OTUD7B: variants seen among roughly 807,000 people sequenced by gnomAD.
OTUD7B encodes OTU deubiquitinase 7B.
In OTUD7B, 34 loss-of-function variants were observed where a neutral mutation model predicts 82.2. That is an observed-to-expected ratio of 0.41 (90% CI 0.31 to 0.55). The LOEUF (loss-of-function observed/expected upper bound fraction) is 0.55. OTUD7B is among the 20% of genes least tolerant of loss of function. The pLI, the probability that OTUD7B is intolerant of heterozygous loss-of-function variation, is 0.20. For missense variants in OTUD7B, 944 were observed against 1,062.1 expected (o/e 0.89, Z 1.55); for synonymous variants, 398 against 402.7 (o/e 0.99, Z 0.14).
chr1:149,993,348 A>T (rs1249975897), intron 1 of OTUD7B, among the ~76,000 whole-genome samples: 1 of 152,202 alleles, frequency 6.6e-6, no homozygotes, highest in Non-Finnish European at 1.5e-5. Flanking sequence ...AAGCATTCTT[A>T]ATGCCAGGCA....
At chr1:149,987,240 C>T (rs1651215195) in intron 1 of OTUD7B, among the ~76,000 whole-genome samples, 1 of 152,156 alleles carries the variant, frequency 6.6e-6, no homozygotes, top group African/African-American at 2.4e-5. Flanking sequence ...AGAGAACATA[C>T]GCTCACATAC....
At chr1:150,062,703 TC>T in the OTUD7B span, among the ~76,000 whole-genome samples, 1 of 90,186 alleles carries the variant, frequency 1.1e-5, no homozygotes, top group East Asian at 2.9e-4. Flanking sequence ...TTTTTCTTCT[TC>T]TTTCTTTTTT....
At chr1:149,999,240 C>A (rs1652116372) in intron 1 of OTUD7B, among the ~76,000 whole-genome samples, 1 of 152,136 alleles carries the variant, frequency 6.6e-6, no homozygotes, top group African/African-American at 2.4e-5. Context: ...AAAGAAGGAA[C>A]TTAAAGTTGT....
the OTUD7B span, chr1:150,053,882 G>A: frequency 2.6e-6 from 1 of 382,028 alleles, no homozygotes; most frequent in Non-Finnish European, 4.4e-6. Flanking sequence ...TGAACAAGTT[G>A]AGAAGCCAGA....
the OTUD7B span, among the ~76,000 whole-genome samples, chr1:150,039,587 A>G: frequency 3.9e-5 from 6 of 152,224 alleles, no homozygotes; most frequent in Non-Finnish European, 7.4e-5. Context: ...CGTGTTAGCC[A>G]GGATAGGCTC....
chr1:149,966,027 T>C, intron 4 of OTUD7B, 149 bp from the exon 5 acceptor site: 1 of 611,204 alleles, frequency 1.6e-6, no homozygotes, highest in Non-Finnish European at 3.0e-6. Context: ...CTTCCTCACT[T>C]ATATCTAGTC....
At chr1:150,020,463 G>A in the OTUD7B span, among the ~76,000 whole-genome samples, 10 of 152,104 alleles carry the variant, frequency 6.6e-5, no homozygotes, top group African/African-American at 2.4e-4. Flanking sequence ...CTTGAACTAG[G>A]GAGGTGGAGG....
In OTUD7B at chr1:149,989,365, C is replaced by T. The variant is rs372656243; in HGVS notation, c.-66-11789G>A. On this transcript the variant is annotated intron_variant, in intron 1 of 11. Transcript: ENST00000581312. ...GTGGGCACCTGTAATCCCAGCTACTCGGGAGGCTGAGGCAGGAGAATTGCT... is the reference window on the plus strand; with the variant it reads ...GTGGGCACCTGTAATCCCAGCTACTTGGGAGGCTGAGGCAGGAGAATTGCT... Among the ~76,000 whole-genome samples, 28 of 149,108 alleles carry T rather than the reference C, an allele frequency of 1.9e-4. No individual in the cohort carries two copies. The South Asian group carries it at 3.9e-3, about 21-fold the overall frequency.
At chr1:149,973,959 G>A (rs111992557) in intron 2 of OTUD7B, among the ~76,000 whole-genome samples, 319 of 150,020 alleles carry the variant, frequency 2.1e-3, no homozygotes, top group Middle Eastern at 0.021. Context: ...CTGGGTTCAA[G>A]CAATTCTCTG....
chr1:150,009,600 CCAGT>C (rs1289122661), intron 1 of OTUD7B, among the ~76,000 whole-genome samples: 2 of 152,174 alleles, frequency 1.3e-5, no homozygotes, highest in Non-Finnish European at 2.9e-5. Context: ...TAAAATTCCA[CCAGT>C]CAGTTTCTAA....
chr1:149,983,057 G>A (rs1477386361), intron 1 of OTUD7B, among the ~76,000 whole-genome samples: 2 of 151,856 alleles, frequency 1.3e-5, no homozygotes, highest in South Asian at 2.1e-4. Context: ...GGGTTTCACC[G>A]TGTTAGCCAG....
chr1:150,011,696 C>T (rs1255924039), upstream of OTUD7B, among the ~76,000 whole-genome samples: 2 of 152,200 alleles, frequency 1.3e-5, no homozygotes, highest in East Asian at 1.9e-4. Context: ...ATGCCAACCC[C>T]GGCTATACTC....
chr1:150,043,850 C>T, the OTUD7B span, among the ~76,000 whole-genome samples: 1 of 152,150 alleles, frequency 6.6e-6, no homozygotes, highest in Non-Finnish European at 1.5e-5. Context: ...ATGGTTCACG[C>T]CTGTAATCCC....
chr1:150,041,489 C>T, the OTUD7B span, among the ~76,000 whole-genome samples: 1 of 152,080 alleles, frequency 6.6e-6, no homozygotes, highest in Non-Finnish European at 1.5e-5. Context: ...CATGCCACCA[C>T]ACCCGGCTAA....
the OTUD7B span, among the ~76,000 whole-genome samples, chr1:150,018,925 C>A: frequency 2.0e-5 from 3 of 152,100 alleles, no homozygotes; most frequent in African/African-American, 4.8e-5. Context: ...ATGCAGCAAA[C>A]AGCTTCTAAC....
At chr1:150,054,725 T>C in the OTUD7B span, 1 of 248,752 alleles carries the variant, frequency 4.0e-6, no homozygotes, top group Non-Finnish European at 7.6e-6. Flanking sequence ...GGAGAATCTC[T>C]TGAACTCAGG....
chr1:149,949,564 C>A (rs1208845238), intron 9 of OTUD7B, 65 bp downstream of exon 9: 18 of 1,530,234 alleles, frequency 1.2e-5, no homozygotes, highest in Non-Finnish European at 1.6e-5. Flanking sequence ...TTTCCTCCTA[C>A]ATTAGATCTC....
the OTUD7B span, among the ~76,000 whole-genome samples, chr1:150,027,544 G>T: frequency 2.0e-5 from 3 of 152,056 alleles, no homozygotes; most frequent in Non-Finnish European, 4.4e-5. Flanking sequence ...CTGAGATCAG[G>T]CCGCTGCACT....
chr1:150,035,690 A>C, the OTUD7B span, among the ~76,000 whole-genome samples: 1 of 152,112 alleles, frequency 6.6e-6, no homozygotes. Context: ...TAGGGGGATA[A>C]TCCTTATTTT....
Sources: allele counts gnomAD v4.1 joint callset (sites outside exome capture counted in the v4.1 genomes callset), GRCh38; gene constraint gnomAD v4.1.1; transcripts MANE v1.5; gene names NCBI Gene and HGNC (gene_info 2026-07-23, HGNC 2026-07-21).